The following SEC31A variants were observed in gnomAD, a reference collection of about 807,000 sequenced individuals.
SEC31A encodes the protein protein transport protein Sec31A.
SEC31A carries 70 observed loss-of-function variants against 151.0 expected under a neutral mutation model. The ratio of observed to expected loss-of-function variants is 0.46; its 90% CI spans 0.38 to 0.57. The LOEUF (loss-of-function observed/expected upper bound fraction) is 0.57, where lower values mean the gene tolerates loss of function less well. Among genes scored for constraint, SEC31A ranks in the 20% least tolerant of loss-of-function variants. The pLI is 0.00. For missense variants in SEC31A, 1,330 were observed against 1,471.2 expected (o/e 0.90, Z 1.57); for synonymous variants, 475 against 505.9 (o/e 0.94, Z 0.82).
intron 22 of SEC31A, among the ~76,000 whole-genome samples, chr4:82,836,709 T>A (rs1203621799): frequency 6.6e-6 from 1 of 152,050 alleles, no homozygotes; most frequent in African/African-American, 2.4e-5. Context: ...CCAGAAGCTG[T>A]GGGGAACAGA....
intron 11 of SEC31A, among the ~76,000 whole-genome samples, chr4:82,864,119 C>T (rs1734765648): frequency 6.6e-6 from 1 of 152,050 alleles, no homozygotes; most frequent in African/African-American, 2.4e-5. Flanking sequence ...TCTAAACAGA[C>T]CTATTATTAT....
chr4:82,841,161 C>T (rs925693082), intron 22 of SEC31A, among the ~76,000 whole-genome samples: 4 of 151,848 alleles, frequency 2.6e-5, no homozygotes, highest in African/African-American at 9.7e-5. Flanking sequence ...CAGTGGCTCA[C>T]GCCTGTAATC....
intron 14 of SEC31A, among the ~76,000 whole-genome samples, chr4:82,859,080 T>C (rs1435743143): frequency 6.6e-6 from 1 of 152,018 alleles, no homozygotes; most frequent in Non-Finnish European, 1.5e-5. Context: ...TCCTGTCCAC[T>C]GGATTTGATT....
chr4:82,871,703 G>T (rs898621217), intron 7 of SEC31A: 2 of 538,086 alleles, frequency 3.7e-6, no homozygotes, highest in South Asian at 2.6e-5. Flanking sequence ...TCCTGGCATG[G>T]TGGCTTGCGC....
At position 82,827,568 on chromosome 4, in the gene SEC31A, G is replaced by C. The variant is rs34982573; in HGVS notation, c.3092C>G (p.Pro1031Arg). 4.3e-6 allele frequency: 7 copies of C among 1,614,198 alleles called. No homozygotes were observed. The highest frequency in any genetic ancestry group is 5.9e-6 in the Non-Finnish European group (7 of 1,180,038). The change falls in exon 24 of 27, where the codon CCC becomes CGC. Residue 1031 changes from proline to arginine, a missense_variant. By Grantham distance (103) the Pro-to-Arg change is moderately radical. Transcript: ENST00000395310. ...CTGTTGCTGCAGCATTTGTGACTGG[G>C]GGTCACCCAACGGGTTCATGATTGG... ...TSPIMNPLGD[P>R]QSQMLQQQPS...
In SEC31A at chr4:82,842,291, A is replaced by G. The variant is rs748385770; in HGVS notation, c.2817T>C (p.Pro939=). ...AAGGGGGAGGAGGGAAAGAAGTAGCAGGGCTGGAGGTAGGTGAAGAGGCCT... is the reference window on the plus strand; with the variant it reads ...AAGGGGGAGGAGGGAAAGAAGTAGCGGGGCTGGAGGTAGGTGAAGAGGCCT... ...QHQASSPTSS[P]ATSFPPPPSS... is the part of the protein sequence containing the mutation. Residue 939 remains proline (P), a synonymous_variant, in exon 22 of 27, where the codon CCT becomes CCC. Transcript: ENST00000395310. 1 of 1,613,772 alleles carries G rather than the reference A, an allele frequency of 6.2e-7. No individual in the cohort carries two copies. Among genetic ancestry groups the G allele is most frequent in the East Asian group, 2.2e-5 (1 of 44,838 alleles).
At chr4:82,870,944 A>G (rs1363615280) in intron 7 of SEC31A, among the ~76,000 whole-genome samples, 2 of 152,186 alleles carry the variant, frequency 1.3e-5, no homozygotes, top group Non-Finnish European at 2.9e-5. Context: ...ACACTTTGGG[A>G]GGCCAAGGCA....
chr4:82,884,859 T>G (rs1031403534), intron 1 of SEC31A, among the ~76,000 whole-genome samples: 3 of 152,180 alleles, frequency 2.0e-5, no homozygotes, highest in South Asian at 2.1e-4. Flanking sequence ...ATCTCCTATA[T>G]CCTTACTTTT....
Position 82,839,219 on chromosome 4 carries a change from C to T in SEC31A, c.2968+2921G>A, listed in dbSNP as rs139670585. Among the ~76,000 whole-genome samples the T allele has an allele frequency of 1.6e-4, 24 of 152,226 alleles. 1 individual carries two copies. Among genetic ancestry groups the T allele is most frequent in the African/African-American group, 5.5e-4 (23 of 41,534 alleles). On this transcript the variant is annotated intron_variant, in intron 22 of 26. Coordinates refer to ENST00000395310, the MANE Select transcript of SEC31A (RefSeq NM_001077207.4). ...AGGCTGGAGTGCAGTGGTGCGATCT[C>T]GGCTCACTTCAATCTCCGCCTCCTG...
intron 14 of SEC31A, chr4:82,858,140 T>C: frequency 5.8e-6 from 1 of 173,330 alleles, no homozygotes; most frequent in Non-Finnish European, 1.2e-5. Flanking sequence ...TAGCCGGGCA[T>C]GGTGGTGCGT....
chr4:82,829,084 T>C (rs751435907), intron 22 of SEC31A, 26 bp from the exon 23 acceptor site: 2 of 1,574,760 alleles, frequency 1.3e-6, no homozygotes, highest in South Asian at 2.2e-5. Context: ...GAGAATGTTT[T>C]CCTTTAGAAT....
chr4:82,871,685 TA>T, intron 7 of SEC31A: 1 of 526,920 alleles, frequency 1.9e-6, no homozygotes, highest in Admixed American at 3.5e-5. Context: ...TATAAAACTA[TA>T]AAAATTTCCT....
chr4:82,888,350 C>CA (rs1177774222), intron 1 of SEC31A, among the ~76,000 whole-genome samples: 8,940 of 25,992 alleles, frequency 0.34, 1,100 homozygotes, highest in Non-Finnish European at 0.38. Flanking sequence ...GACTCCGTCT[C>CA]AAAAAAAAAA....
At position 82,829,067 on chromosome 4, in the gene SEC31A, GA is replaced by G; in HGVS notation, c.2969-10del. 3 of 1,606,916 alleles carry G rather than the reference GA, an allele frequency of 1.9e-6. No individual in the cohort carries two copies. In the Middle Eastern group the frequency reaches 5.0e-4, roughly 266 times the overall value. ...CCAACCATTCTGAGGACCTATAACA[GA>G]TAACAGAGAATGTTTTCCTTTAGAA... On this transcript the variant is annotated splice_polypyrimidine_tract_variant and intron_variant, in intron 22 of 26. Coordinates refer to ENST00000395310, the MANE Select transcript of SEC31A (RefSeq NM_001077207.4).
chr4:82,861,901 CATTCTTTTTT>C, intron 13 of SEC31A, 193 bp from the exon 14 acceptor site: 4 of 238,810 alleles, frequency 1.7e-5, no homozygotes, highest in African/African-American at 1.0e-4. Context: ...AACACTTTCC[CATTCTTTTTT>C]TTTTTTTTTT....
At chr4:82,898,432 G>A (rs558784153) in intron 3 of SEC31A, among the ~76,000 whole-genome samples, 13 of 152,152 alleles carry the variant, frequency 8.5e-5, no homozygotes, top group African/African-American at 1.9e-4. Flanking sequence ...GACCCCTTGC[G>A]GCTATTGCCT....
In SEC31A at chr4:82,863,370, C is replaced by G. The variant is rs747030120; in HGVS notation, c.1457G>C (p.Arg486Pro). The G allele has an allele frequency of 2.5e-6, 4 of 1,576,388 alleles. No individual in the cohort carries two copies. The highest frequency in any genetic ancestry group is 3.4e-6 in the Non-Finnish European group (4 of 1,167,292). Reference protein sequence around the residue: ...FLKVNFEDDSRGKYLELLGYR... With the variant: ...FLKVNFEDDSPGKYLELLGYR... Reference sequence around the variant, plus strand: ...TCCTAGAAGTTCAAGGTATTTTCCACGAGAATCATCCTCAAAGTTTACCTT... The same window carrying G: ...TCCTAGAAGTTCAAGGTATTTTCCAGGAGAATCATCCTCAAAGTTTACCTT... Residue 486 changes from arginine to proline, a missense_variant, in exon 12 of 27, where the codon CGT (arginine) becomes CCT (proline). By Grantham distance (103) the Arg-to-Pro change is moderately radical. Transcript: ENST00000395310.
rs200909923 is a variant in SEC31A at position 82,866,976 on chromosome 4, A to G, written c.1045-16T>C. 4.4e-6 allele frequency: 7 copies of G among 1,603,510 alleles called. No homozygotes were observed. The highest frequency in any genetic ancestry group is 2.7e-5 in the African/African-American group (2 of 74,284). ...ATGATGAAAGCTAAAAAAGATAATA[A>G]TAACATAAGCATCCGACCATACACA... On this transcript the variant is annotated splice_polypyrimidine_tract_variant and intron_variant, in intron 9 of 26. Coordinates refer to ENST00000395310, the MANE Select transcript of SEC31A (RefSeq NM_001077207.4).
chr4:82,834,441 G>C (rs1441499008), intron 22 of SEC31A, among the ~76,000 whole-genome samples: 1 of 152,074 alleles, frequency 6.6e-6, no homozygotes, highest in Admixed American at 6.6e-5. Flanking sequence ...AAAGTCTATG[G>C]AACTATTTTC....
Sources: gnomAD v4.1 joint callset for allele counts (sites outside exome capture counted in the v4.1 genomes callset) on GRCh38, gnomAD v4.1.1 for gene constraint, MANE v1.5 for transcripts, NCBI Gene and HGNC (gene_info 2026-07-23, HGNC 2026-07-21) for gene names.